The following LHFPL4 variants were observed in gnomAD, a reference collection of about 807,000 sequenced individuals.
The protein encoded by LHFPL4 is LHFPL tetraspan subfamily member 4 protein.
In LHFPL4, 6 loss-of-function variants were observed where a neutral mutation model predicts 20.0. The ratio of observed to expected loss-of-function variants is 0.30; its 90% CI spans 0.16 to 0.59. The LOEUF is 0.59. LHFPL4 is among the 20% of genes least tolerant of loss of function. The probability of loss-of-function intolerance (pLI) is 0.88; values close to 1 mark genes in which losing one functional copy is unlikely to be tolerated. For missense variants in LHFPL4, 215 were observed against 331.2 expected (o/e 0.65, Z 2.72); for synonymous variants, 129 against 143.8 (o/e 0.90, Z 0.74).
intron 2 of LHFPL4, among the ~76,000 whole-genome samples, chr3:9,523,736 G>A (rs2125660732): frequency 6.6e-6 from 1 of 152,228 alleles, no homozygotes; most frequent in African/African-American, 2.4e-5. Context: ...GCCTCCCAAA[G>A]TGAGAAAAGT....
chr3:9,546,136 AAACCCTG>A (rs2046510831), intron 2 of LHFPL4, among the ~76,000 whole-genome samples: 1 of 151,942 alleles, frequency 6.6e-6, no homozygotes, highest in Non-Finnish European at 1.5e-5. Context: ...CAACATGGTG[AAACCCTG>A]TCTCTACTAA....
intron 2 of LHFPL4, among the ~76,000 whole-genome samples, chr3:9,521,946 ATC>A (rs1171683336): frequency 6.6e-6 from 1 of 151,992 alleles, no homozygotes; most frequent in Non-Finnish European, 1.5e-5. Flanking sequence ...TTGTTGACCT[ATC>A]TCTTTTTTAT....
At position 9,506,345 on chromosome 3, in the gene LHFPL4, G is replaced by A; in HGVS notation, c.407-142C>T. 1.5e-6 allele frequency: 1 copy of A among 670,854 alleles called. No homozygotes were observed. Among genetic ancestry groups the A allele is most frequent in the East Asian group, 2.6e-5 (1 of 39,040 alleles). The allele number at this position is 670,854 out of a possible 1,614,324, so 41.6% of individuals were successfully genotyped here. A position where few individuals can be genotyped will look rare whatever the true frequency, so the allele number is the denominator to read the frequency against. ...GTGCTTGTTACCCACTTCCACAGAG[G>A]GAGAAAGAGAGGGCAGGGGCAGGGA... On this transcript the variant is annotated intron_variant, in intron 2 of 3. Transcript: ENST00000287585. This position sits in a 1 kb window ranked among gnomAD's most constrained non-coding sequence, Gnocchi z 4.5.
intron 2 of LHFPL4, among the ~76,000 whole-genome samples, chr3:9,539,876 T>C (rs936988120): frequency 1.3e-5 from 2 of 152,066 alleles, no homozygotes; most frequent in Non-Finnish European, 2.9e-5. Flanking sequence ...TCATTCATAA[T>C]AATAGAAAGG....
At chr3:9,519,722 C>T (rs2046326591) in intron 2 of LHFPL4, among the ~76,000 whole-genome samples, 1 of 152,000 alleles carries the variant, frequency 6.6e-6, no homozygotes, top group Non-Finnish European at 1.5e-5. Context: ...CCATGCCTGG[C>T]TAATTTTTTT....
intron 2 of LHFPL4, among the ~76,000 whole-genome samples, chr3:9,543,582 T>C (rs933795160): frequency 6.6e-6 from 1 of 152,038 alleles, no homozygotes; most frequent in African/African-American, 2.4e-5. Flanking sequence ...GAGGTCTTGG[T>C]TGCAACTTCA....
chr3:9,552,222 G>T, intron 2 of LHFPL4, 52 bp downstream of exon 2: 1 of 1,539,066 alleles, frequency 6.5e-7, no homozygotes, highest in East Asian at 2.3e-5. Flanking sequence ...TGGCAGGAAG[G>T]AGCCCCGTCC....
chr3:9,543,145 C>T lies in LHFPL4; in HGVS notation c.406+9129G>A, dbSNP rs566262619. Among the ~76,000 whole-genome samples, 462 of 152,180 alleles carry T rather than the reference C, an allele frequency of 3.0e-3. 3 individuals carry two copies. The highest frequency in any genetic ancestry group is 0.011 in the African/African-American group (442 of 41,520). On this transcript the variant is annotated intron_variant, in intron 2 of 3. Coordinates refer to ENST00000287585, the MANE Select transcript of LHFPL4 (RefSeq NM_198560.3). ...AGGGGGTGGGCAGTGTGGCTTCTTC[C>T]TTTTTCTCTCTCGGAGCACTCATTC...
At chr3:9,517,499 C>G (rs926098412) in intron 2 of LHFPL4, among the ~76,000 whole-genome samples, 1 of 151,070 alleles carries the variant, frequency 6.6e-6, no homozygotes, top group African/African-American at 2.4e-5. Context: ...TTTCATTTCA[C>G]TTTTTCCAGT....
At chr3:9,522,642 G>C (rs2046345776) in intron 2 of LHFPL4, among the ~76,000 whole-genome samples, 1 of 151,116 alleles carries the variant, frequency 6.6e-6, no homozygotes. Context: ...TCGGGAGGCT[G>C]AGAGGCAGGA....
chr3:9,520,181 T>C (rs1280971374), intron 2 of LHFPL4, among the ~76,000 whole-genome samples: 16 of 152,066 alleles, frequency 1.1e-4, no homozygotes, highest in South Asian at 2.1e-4. Flanking sequence ...TTTGGCTGCA[T>C]GGTAGGGCTC....
At chr3:9,534,163 C>G (rs2633775) in intron 2 of LHFPL4, among the ~76,000 whole-genome samples, 32,794 of 150,046 alleles carry the variant, frequency 0.22, 4,817 homozygotes, top group East Asian at 0.42. Context: ...GTTGCAGTGA[C>G]CTGAGATTGT....
intron 2 of LHFPL4, among the ~76,000 whole-genome samples, chr3:9,520,628 G>A (rs765511223): frequency 6.6e-6 from 1 of 152,088 alleles, no homozygotes; most frequent in Non-Finnish European, 1.5e-5. Flanking sequence ...ACAGGTGTGA[G>A]CCACCCTGCC....
chr3:9,552,458 C>T lies in LHFPL4; in HGVS notation c.222G>A (p.Glu74=), dbSNP rs748291845. Reference sequence around the variant, plus strand: ...CGGTGAAGGAGCCCCGGCAGGTGAGCTCGCGGCCCGCCAGCCCGCTGCCCA... The same window carrying T: ...CGGTGAAGGAGCCCCGGCAGGTGAGTTCGCGGCCCGCCAGCCCGCTGCCCA... ...YCVGSGLAGR[E]LTCRGSFTDF... The change falls in exon 2 of 4, where the codon GAG becomes GAA. Residue 74 remains glutamate (E), a synonymous_variant. Transcript: ENST00000287585. 1 of 1,613,052 alleles carries T rather than the reference C, an allele frequency of 6.2e-7. No individual in the cohort carries two copies. The highest frequency in any genetic ancestry group is 2.2e-5 in the East Asian group (1 of 44,862).
At chr3:9,536,912 C>CT (rs1236967478) in intron 2 of LHFPL4, among the ~76,000 whole-genome samples, 1 of 147,032 alleles carries the variant, frequency 6.8e-6, no homozygotes, top group African/African-American at 2.5e-5. Flanking sequence ...GAGCGAGACT[C>CT]TGTCTCAAAA....
At position 9,506,585 on chromosome 3, in the gene LHFPL4, CGTT is replaced by C. The variant is rs776500900; in HGVS notation, c.407-385_407-383del. 5.3e-5 allele frequency among the ~76,000 whole-genome samples: 8 copies of C among 152,024 alleles called. No homozygotes were observed. The highest frequency in any genetic ancestry group is 3.9e-4 in the East Asian group (2 of 5,172). The stretch of plus-strand genomic sequence containing the variant: ...TCCTCATTATTATTATTATTGTTGT[CGTT>C]GTTGTTGTTTGAGACGGAGTCTCGC... On this transcript the variant is annotated intron_variant, in intron 2 of 3. Coordinates refer to ENST00000287585, the MANE Select transcript of LHFPL4 (RefSeq NM_198560.3). This position sits in a 1 kb window ranked among gnomAD's most constrained non-coding sequence, Gnocchi z 4.5.
intron 1 of LHFPL4, among the ~76,000 whole-genome samples, chr3:9,553,275 G>A: frequency 6.6e-6 from 1 of 151,462 alleles, no homozygotes; most frequent in East Asian, 2.0e-4. Flanking sequence ...TGGGTGGTTG[G>A]GAAGGTAATA....
chr3:9,526,132 G>A lies in LHFPL4; in HGVS notation c.407-19929C>T, dbSNP rs2046373619. On this transcript the variant is annotated intron_variant, in intron 2 of 3. Transcript: ENST00000287585. ...GTATATAAATAAGCCAGTCATGAAA[G>A]GACAAACACTGTATGATTCCATTTA... 2.6e-5 allele frequency among the ~76,000 whole-genome samples: 4 copies of A among 152,178 alleles called. No homozygotes were observed. The South Asian group carries it at 8.3e-4, about 31-fold the overall frequency.
At chr3:9,513,779 G>A (rs2046278754) in intron 2 of LHFPL4, among the ~76,000 whole-genome samples, 1 of 152,204 alleles carries the variant, frequency 6.6e-6, no homozygotes, top group African/African-American at 2.4e-5. Context: ...CACTGGGCAA[G>A]TCCCTTCACC....
Sources: gnomAD v4.1 joint callset for allele counts (sites outside exome capture counted in the v4.1 genomes callset) on GRCh38, gnomAD v4.1.1 for gene constraint, Gnocchi (gnomAD v3.1) non-coding constraint, MANE v1.5 for transcripts, NCBI Gene and HGNC (gene_info 2026-07-23, HGNC 2026-07-21) for gene names.